HCN1: variants seen among roughly 807,000 people sequenced by gnomAD.
The protein encoded by HCN1 is hyperpolarization activated cyclic nucleotide gated potassium channel 1.
In HCN1, 13 loss-of-function variants were observed where a neutral mutation model predicts 78.9. The observed-to-expected ratio is 0.16, with a 90% CI of 0.11 to 0.26. The LOEUF (loss-of-function observed/expected upper bound fraction) is 0.26. Among genes scored for constraint, HCN1 ranks in the 10% least tolerant of loss-of-function variants. The pLI, the probability that HCN1 is intolerant of heterozygous loss-of-function variation, is 1.00. For missense variants in HCN1, 810 were observed against 1,154.3 expected (o/e 0.70, Z 4.32); for synonymous variants, 552 against 455.5 (o/e 1.21, Z -2.70).
At chr5:45,510,880 T>C (rs1052232376) in intron 2 of HCN1, among the ~76,000 whole-genome samples, 1 of 142,360 alleles carries the variant, frequency 7.0e-6, no homozygotes, top group African/African-American at 2.6e-5. Context: ...ATGTTGAGTT[T>C]ATTGTTGGTG....
intron 2 of HCN1, among the ~76,000 whole-genome samples, chr5:45,541,213 G>A (rs888850568): frequency 5.3e-5 from 8 of 152,092 alleles, no homozygotes; most frequent in East Asian, 1.9e-4. Flanking sequence ...GCAGTGTCAC[G>A]TTGTATTTAT....
intron 2 of HCN1, among the ~76,000 whole-genome samples, chr5:45,581,919 T>C (rs895698439): frequency 1.3e-5 from 2 of 152,350 alleles, no homozygotes; most frequent in South Asian, 4.1e-4. Context: ...TTTTCGTTAC[T>C]GTAGCCTTGT....
intron 5 of HCN1, among the ~76,000 whole-genome samples, chr5:45,341,032 C>T (rs1416438087): frequency 1.3e-5 from 2 of 152,140 alleles, no homozygotes; most frequent in African/African-American, 4.8e-5. Context: ...TCCTTAACTT[C>T]TTGGAATATA....
intron 4 of HCN1, among the ~76,000 whole-genome samples, chr5:45,371,565 T>A (rs2112004936): frequency 6.6e-6 from 1 of 151,700 alleles, no homozygotes. Flanking sequence ...GAGACCATCC[T>A]GGACAACACA....
intron 2 of HCN1, among the ~76,000 whole-genome samples, chr5:45,492,960 T>C (rs548560296): frequency 1.1e-3 from 167 of 152,238 alleles, no homozygotes; most frequent in African/African-American, 3.8e-3. Context: ...CAATTTAATA[T>C]AACTTTTAGT....
intron 2 of HCN1, among the ~76,000 whole-genome samples, chr5:45,584,577 G>A (rs941003988): frequency 2.0e-5 from 3 of 152,130 alleles, no homozygotes; most frequent in African/African-American, 7.2e-5. Flanking sequence ...TCATTATAAT[G>A]TTAGCTGGTT....
chr5:45,668,028 T>C (rs1172522450), intron 1 of HCN1, among the ~76,000 whole-genome samples: 1 of 151,992 alleles, frequency 6.6e-6, no homozygotes, highest in East Asian at 1.9e-4. Flanking sequence ...GCAGATTTTC[T>C]GGTAGCTAAC....
rs570375917 is a variant in HCN1 at position 45,391,881 on chromosome 5, T to C, written c.1230+4611A>G. On this transcript the variant is annotated intron_variant, in intron 4 of 7. Coordinates refer to ENST00000303230, the MANE Select transcript of HCN1 (RefSeq NM_021072.4). The stretch of plus-strand genomic sequence containing the variant: ...GTAAACAAATGACTATACAATGGCA[T>C]GATCAAGAAACATTCCCACAGCCTT... 2.0e-5 allele frequency among the ~76,000 whole-genome samples: 3 copies of C among 152,168 alleles called. No individual in the cohort carries two copies. The South Asian group carries it at 6.2e-4, about 32-fold the overall frequency.
rs927135858 is a variant in HCN1 at position 45,513,817 on chromosome 5, T to C, written c.850-51810A>G. On this transcript the variant is annotated intron_variant, in intron 2 of 7. Coordinates refer to ENST00000303230, the MANE Select transcript of HCN1 (RefSeq NM_021072.4). Reference sequence around the variant, plus strand: ...ACAAAAAGGTTGGGGACTGTGGCTATAGCCCCATTATCTATAAAGCCTCAT... The same window carrying C: ...ACAAAAAGGTTGGGGACTGTGGCTACAGCCCCATTATCTATAAAGCCTCAT... Among the ~76,000 whole-genome samples, 5 of 152,290 alleles carry C rather than the reference T, an allele frequency of 3.3e-5. No individual in the cohort carries two copies. In the East Asian group the frequency reaches 9.7e-4, roughly 29 times the overall value.
chr5:45,367,590 T>C (rs1439126871), intron 4 of HCN1, among the ~76,000 whole-genome samples: 1 of 151,870 alleles, frequency 6.6e-6, no homozygotes, highest in East Asian at 1.9e-4. Context: ...AGAAAATTGA[T>C]CCAAACTTTC....
chr5:45,472,457 C>T (rs1033569635), intron 2 of HCN1, among the ~76,000 whole-genome samples: 8 of 137,574 alleles, frequency 5.8e-5, no homozygotes, highest in South Asian at 5.0e-4. Context: ...GCACTTAACA[C>T]GTTTACAAAT....
intron 1 of HCN1, among the ~76,000 whole-genome samples, chr5:45,679,028 C>CA (rs939912941): frequency 2.0e-5 from 3 of 151,930 alleles, no homozygotes; most frequent in South Asian, 2.1e-4. Context: ...ATACCCAGAA[C>CA]AAAAAATATG....
intron 1 of HCN1, among the ~76,000 whole-genome samples, chr5:45,673,162 C>A (rs1011248285): frequency 2.0e-5 from 3 of 151,208 alleles, no homozygotes; most frequent in African/African-American, 7.3e-5. Context: ...TGTAAAATGA[C>A]CTTAAAAATT....
intron 1 of HCN1, among the ~76,000 whole-genome samples, chr5:45,667,814 T>C (rs534433144): frequency 1.1e-4 from 16 of 152,028 alleles, no homozygotes; most frequent in South Asian, 6.2e-4. Context: ...ACAATAGCCA[T>C]GTTCCCAGTT....
At chr5:45,578,939 C>T (rs925242296) in intron 2 of HCN1, among the ~76,000 whole-genome samples, 1 of 151,954 alleles carries the variant, frequency 6.6e-6, no homozygotes, top group East Asian at 1.9e-4. Flanking sequence ...TTTCACTCAC[C>T]TGGATGGGAT....
At chr5:45,306,552 G>A (rs932730191) in intron 5 of HCN1, among the ~76,000 whole-genome samples, 6 of 152,022 alleles carry the variant, frequency 3.9e-5, no homozygotes, top group Non-Finnish European at 7.4e-5. Context: ...AGAAAAAATG[G>A]TAATGAGACA....
At chr5:45,685,514 G>C (rs1739787542) in intron 1 of HCN1, among the ~76,000 whole-genome samples, 1 of 152,310 alleles carries the variant, frequency 6.6e-6, no homozygotes, top group South Asian at 2.1e-4. Flanking sequence ...AGGAATTTGA[G>C]ATCAGCCTGA....
At chr5:45,657,412 T>A (rs1745792361) in intron 1 of HCN1, among the ~76,000 whole-genome samples, 1 of 152,204 alleles carries the variant, frequency 6.6e-6, no homozygotes. Flanking sequence ...CAACAGAAAA[T>A]ACACATATGG....
chr5:45,575,744 T>G (rs1048147380), intron 2 of HCN1: 40 of 152,220 alleles, frequency 2.6e-4, no homozygotes, highest in African/African-American at 9.4e-4. Context: ...CACTGCTCAT[T>G]GACAATGCAC....
Sources: allele counts gnomAD v4.1 joint callset (sites outside exome capture counted in the v4.1 genomes callset), GRCh38; gene constraint gnomAD v4.1.1; transcripts MANE v1.5; gene names NCBI Gene and HGNC (gene_info 2026-07-23, HGNC 2026-07-21).